Variants in CNTNAP3B observed in about 807,000 individuals in gnomAD.
CNTNAP3B encodes the protein contactin-associated protein-like 3B.
CNTNAP3B carries 25 observed loss-of-function variants against 108.9 expected under a neutral mutation model. The observed-to-expected ratio is 0.23, with a 90% CI of 0.17 to 0.32. The LOEUF is 0.32. Ranked by LOEUF, CNTNAP3B falls within the 10% of genes least tolerant of loss-of-function variation. CNTNAP3B has a pLI of 1.00. For synonymous variants in CNTNAP3B, 103 were observed against 473.4 expected (o/e 0.22, Z 10.16); for missense variants, 252 against 1,210.4 (o/e 0.21, Z 11.75).
At chr9:41,955,998 C>G (rs1457369905) in intron 12 of CNTNAP3B, among the ~76,000 whole-genome samples, 2 of 152,212 alleles carry the variant, frequency 1.3e-5, no homozygotes, top group East Asian at 1.9e-4. Context: ...CACAGTTGGG[C>G]AAAATCATCT....
intron 13 of CNTNAP3B, among the ~76,000 whole-genome samples, chr9:41,948,647 G>A (rs890667130): frequency 2.0e-5 from 3 of 151,928 alleles, no homozygotes; most frequent in African/African-American, 7.2e-5. Flanking sequence ...TATACATTAT[G>A]GCAAAATGGG....
rs1828534285 is a variant in CNTNAP3B, at chr9:42,124,861, A to G, written c.85+4149T>C. Among the ~76,000 whole-genome samples the G allele has an allele frequency of 1.5e-5, 2 of 137,638 alleles. 1 individual carries two copies. The highest frequency in any genetic ancestry group is 3.1e-5 in the Non-Finnish European group (2 of 64,660). 90.3% of individuals were successfully genotyped at this position (137,638 alleles called of 152,430 possible). A position where few individuals can be genotyped will look rare whatever the true frequency, so the allele number is the denominator to read the frequency against. ...ATATATAAATGAACTGTTATTTCTC[A>G]TAATTGTTTTTTTTTCAGCCTCTTT... On this transcript the variant is annotated intron_variant, in intron 1 of 23. Coordinates refer to ENST00000377561, the MANE Select transcript of CNTNAP3B (RefSeq NM_001201380.3).
At chr9:41,942,494 C>A (rs1824384473) in intron 13 of CNTNAP3B, among the ~76,000 whole-genome samples, 1 of 151,298 alleles carries the variant, frequency 6.6e-6, no homozygotes, top group Non-Finnish European at 1.5e-5. Flanking sequence ...GCCTGTAGTC[C>A]CAGCTACTGG....
chr9:41,943,722 G>T (rs1824436196), intron 13 of CNTNAP3B, among the ~76,000 whole-genome samples: 1 of 150,916 alleles, frequency 6.6e-6, no homozygotes, highest in African/African-American at 2.5e-5. Context: ...AGAAGGAAGA[G>T]AGTGAGAACC....
chr9:41,965,714 G>A (rs1195770012), intron 10 of CNTNAP3B, among the ~76,000 whole-genome samples: 7 of 152,132 alleles, frequency 4.6e-5, no homozygotes, highest in Admixed American at 2.6e-4. Flanking sequence ...ATGGGACCCA[G>A]AGAAGTAACA....
rs1827945701 is a variant in CNTNAP3B at position 42,098,044 on chromosome 9, T to C, written c.196+6585A>G. Among the ~76,000 whole-genome samples the C allele has an allele frequency of 1.4e-5, 2 of 138,318 alleles. 1 individual carries two copies. The highest frequency in any genetic ancestry group is 3.1e-5 in the Non-Finnish European group (2 of 64,712). 90.7% of individuals were successfully genotyped at this position (138,318 alleles called of 152,430 possible). A position where few individuals can be genotyped will look rare whatever the true frequency, so the allele number is the denominator to read the frequency against. Reference sequence around the variant, plus strand: ...AATTTGGAAAAACGAGGGAGTGATATCTCTAAGATTTTTTTCCACAAATAA... The same window carrying C: ...AATTTGGAAAAACGAGGGAGTGATACCTCTAAGATTTTTTTCCACAAATAA... On this transcript the variant is annotated intron_variant, in intron 2 of 23. Transcript: ENST00000377561.
At chr9:41,988,238 A>ATTTTTTTT (rs1209677991) in intron 8 of CNTNAP3B, among the ~76,000 whole-genome samples, 1 of 25,886 alleles carries the variant, frequency 3.9e-5, no homozygotes, top group Non-Finnish European at 7.6e-5. Flanking sequence ...CCTTCTTTGA[A>ATTTTTTTT]TTTTTTTTTT....
At chr9:41,942,271 C>T (rs1301792292) in intron 13 of CNTNAP3B, among the ~76,000 whole-genome samples, 5 of 152,252 alleles carry the variant, frequency 3.3e-5, no homozygotes, top group African/African-American at 4.8e-5. Context: ...GTCAGGAGAT[C>T]GAGACCATCC....
chr9:42,125,593 GGCTACTTCA>G lies in CNTNAP3B; in HGVS notation c.85+3408_85+3416del, dbSNP rs1249889124. Among the ~76,000 whole-genome samples, 12 of 139,386 alleles carry G rather than the reference GGCTACTTCA, an allele frequency of 8.6e-5. 4 individuals carry two copies. In the East Asian group the frequency reaches 2.0e-3, roughly 23 times the overall value. The allele number at this position is 139,386 out of a possible 152,430, so 91.4% of individuals were successfully genotyped here. A position where few individuals can be genotyped will look rare whatever the true frequency, so the allele number is the denominator to read the frequency against. ...CTTGGAATTGATTATCATTTCCATG[GGCTACTTCA>G]GCTCCGTACTGTTTGTATAGAGTTT... On this transcript the variant is annotated intron_variant, in intron 1 of 23. Coordinates refer to ENST00000377561, the MANE Select transcript of CNTNAP3B (RefSeq NM_001201380.3).
At chr9:42,125,879 A>C (rs1828559723) in intron 1 of CNTNAP3B, among the ~76,000 whole-genome samples, 1 of 126,774 alleles carries the variant, frequency 7.9e-6, no homozygotes, top group African/African-American at 3.2e-5. Context: ...CAGCCTCCCA[A>C]AGTGCTGAGA....
At chr9:41,968,790 T>A (rs1825355928) in intron 10 of CNTNAP3B, among the ~76,000 whole-genome samples, 1 of 133,844 alleles carries the variant, frequency 7.5e-6, no homozygotes, top group African/African-American at 3.0e-5. Flanking sequence ...TTCTACCAGA[T>A]GCAGATATAA....
At position 42,127,804 on chromosome 9, in the gene CNTNAP3B, A is replaced by G. The variant is rs1828605175; in HGVS notation, c.85+1206T>C. Among the ~76,000 whole-genome samples the G allele has an allele frequency of 1.4e-5, 2 of 139,112 alleles. 1 individual carries two copies. The highest frequency in any genetic ancestry group is 1.4e-4 in the Admixed American group (2 of 14,000). 91.3% of individuals were successfully genotyped at this position (139,112 alleles called of 152,430 possible). On this transcript the variant is annotated intron_variant, in intron 1 of 23. Transcript: ENST00000377561. The stretch of plus-strand genomic sequence containing the variant: ...ATCATGATGCACAGTGAGTGCATGA[A>G]CCCATGTGCGTGCCCTGTGTGTGAA...
At chr9:41,943,454 G>A (rs1406560115) in intron 13 of CNTNAP3B, among the ~76,000 whole-genome samples, 16 of 150,262 alleles carry the variant, frequency 1.1e-4, no homozygotes, top group East Asian at 5.9e-4. Flanking sequence ...CTGGGTTCAC[G>A]CCATTCTCCT....
chr9:41,935,396 T>C (rs1489883648), intron 14 of CNTNAP3B, among the ~76,000 whole-genome samples: 2 of 152,302 alleles, frequency 1.3e-5, no homozygotes, highest in Non-Finnish European at 2.9e-5. Flanking sequence ...CCAAATACTA[T>C]TTTTATTATA....
Position 42,056,076 on chromosome 9 carries a change from A to T in CNTNAP3B, c.390+20793T>A, listed in dbSNP as rs547970753. Among the ~76,000 whole-genome samples, 69 of 121,232 alleles carry T rather than the reference A, an allele frequency of 5.7e-4. 15 individuals are homozygous for T. The highest frequency in any genetic ancestry group is 2.2e-3 in the African/African-American group (68 of 30,632). The allele number at this position is 121,232 out of a possible 152,430, so 79.5% of individuals were successfully genotyped here. The stretch of plus-strand genomic sequence containing the variant: ...CTTCATACTTAAATTTGTTCTTAAA[A>T]CTGATTATTTTTAACCTGAGCATTA... On this transcript the variant is annotated intron_variant, in intron 3 of 23. Coordinates refer to ENST00000377561, the MANE Select transcript of CNTNAP3B (RefSeq NM_001201380.3).
intron 14 of CNTNAP3B, among the ~76,000 whole-genome samples, chr9:41,937,261 G>A (rs1236104918): frequency 2.0e-5 from 3 of 151,306 alleles, no homozygotes; most frequent in Admixed American, 6.6e-5. Context: ...TGAGCAGCTG[G>A]GACTACAGGC....
Position 42,121,961 on chromosome 9 carries a change from C to A in CNTNAP3B, c.85+7049G>T, listed in dbSNP as rs139654376. Among the ~76,000 whole-genome samples, 1,137 of 139,890 alleles carry A rather than the reference C, an allele frequency of 8.1e-3. 174 individuals are homozygous for A. Among genetic ancestry groups the A allele is most frequent in the African/African-American group, 0.031 (1,094 of 35,398 alleles). The allele number at this position is 139,890 out of a possible 152,430, so 91.8% of individuals were successfully genotyped here. A position where few individuals can be genotyped will look rare whatever the true frequency, so the allele number is the denominator to read the frequency against. ...GCATAGCAAACAGTATGAGCATCAG[C>A]ATATTTGCATCAATTTCCTTGCCTC... On this transcript the variant is annotated intron_variant, in intron 1 of 23. Coordinates refer to ENST00000377561, the MANE Select transcript of CNTNAP3B (RefSeq NM_001201380.3).
chr9:41,941,823 G>C (rs1444607053), intron 13 of CNTNAP3B, among the ~76,000 whole-genome samples: 3 of 151,146 alleles, frequency 2.0e-5, no homozygotes, highest in African/African-American at 7.3e-5. Context: ...CTCCTAGAGT[G>C]GGGGATACGC....
intron 11 of CNTNAP3B, among the ~76,000 whole-genome samples, chr9:41,963,903 A>C (rs1341819318): frequency 1.3e-5 from 2 of 152,312 alleles, no homozygotes; most frequent in African/African-American, 4.8e-5. Context: ...TATGCAAAGC[A>C]ATAGCAGAGG....
Sources: gnomAD v4.1 joint callset for allele counts (sites outside exome capture counted in the v4.1 genomes callset) on GRCh38, gnomAD v4.1.1 for gene constraint, MANE v1.5 for transcripts, NCBI Gene and HGNC (gene_info 2026-07-23, HGNC 2026-07-21) for gene names.